Variants in PRH1 observed in about 807,000 individuals in gnomAD.
The protein encoded by PRH1 is salivary acidic proline-rich phosphoprotein 1/2.
PRH1 carries 7 observed loss-of-function variants against 7.9 expected under a neutral mutation model. The observed-to-expected ratio is 0.89, with a 90% CI of 0.50 to 1.67. PRH1 has a LOEUF of 1.67. Among genes scored for constraint, PRH1 ranks in the 40% most tolerant of loss-of-function variants. PRH1 has a pLI of 0.00. For missense variants in PRH1, 109 were observed against 223.6 expected, an observed-to-expected ratio of 0.49 and a Z score of 3.27; for synonymous variants, 45 against 80.8, an observed-to-expected ratio of 0.56 and a Z score of 2.38.
intron 1 of PRH1, among the ~76,000 whole-genome samples, chr12:11,031,993 A>C (rs1942245547): frequency 6.6e-6 from 1 of 152,236 alleles, no homozygotes; most frequent in African/African-American, 2.4e-5. Context: ...AGCCAGAAAT[A>C]ACCATGGCAT....
At chr12:11,064,469 G>A (rs1386440119) in intron 1 of PRH1, among the ~76,000 whole-genome samples, 2 of 151,846 alleles carry the variant, frequency 1.3e-5, no homozygotes, top group Non-Finnish European at 2.9e-5. Flanking sequence ...TTCTACTAGA[G>A]CATTCTTTCA....
chr12:10,990,853 A>G (rs1331968070), intron 1 of PRH1, among the ~76,000 whole-genome samples: 1 of 152,208 alleles, frequency 6.6e-6, no homozygotes, highest in East Asian at 1.9e-4. Flanking sequence ...CTTAGAGATG[A>G]GTTCTGAAAG....
intron 1 of PRH1, chr12:10,998,021 C>T: frequency 3.4e-6 from 2 of 586,938 alleles, no homozygotes; most frequent in Non-Finnish European, 5.7e-6. Flanking sequence ...TGAACAATGT[C>T]AACAGAAAAG....
At position 11,092,602 on chromosome 12, in the gene PRH1, G is replaced by A. The variant is rs1944961038; in HGVS notation, n.124-45414C>T. Among the ~76,000 whole-genome samples the A allele has an allele frequency of 2.6e-5, 3 of 114,766 alleles. 1 individual carries two copies. In the South Asian group the frequency reaches 7.1e-4, roughly 27 times the overall value. The allele number at this position is 114,766 out of a possible 152,430, so 75.3% of individuals were successfully genotyped here. A position where few individuals can be genotyped will look rare whatever the true frequency, so the allele number is the denominator to read the frequency against. On this transcript the variant is annotated intron_variant and non_coding_transcript_variant, in intron 1 of 4. Coordinates refer to the PRH1 transcript ENST00000541977. The stretch of plus-strand genomic sequence containing the variant: ...CCTGTTGATTGGTGCATTTTAGAGC[G>A]ATTGGTGCATTTTACAATCCTCTTG...
At chr12:10,896,626 G>A (rs1949648958) in intron 2 of PRH1, among the ~76,000 whole-genome samples, 1 of 151,954 alleles carries the variant, frequency 6.6e-6, no homozygotes, top group South Asian at 2.1e-4. Context: ...GCTGGGCTTG[G>A]TGGCATGCTC....
chr12:11,078,002 C>A (rs79125746), intron 1 of PRH1: 1 of 650,190 alleles, frequency 1.5e-6, no homozygotes, highest in Admixed American at 2.4e-5. Flanking sequence ...GCAACAGCTC[C>A]TACTTCTGAA....
At chr12:10,950,470 CTG>C (rs1488820538) in intron 2 of PRH1, among the ~76,000 whole-genome samples, 3 of 151,776 alleles carry the variant, frequency 2.0e-5, no homozygotes, top group Non-Finnish European at 1.5e-5. Context: ...TGAAATGTAA[CTG>C]TAGTTTAAAA....
chr12:10,993,518 G>T (rs1591781146), intron 1 of PRH1, among the ~76,000 whole-genome samples: 1 of 152,088 alleles, frequency 6.6e-6, no homozygotes, highest in Admixed American at 6.6e-5. Context: ...ATGATTTTAG[G>T]GGTCCAGTGC....
At chr12:10,908,855 T>C (rs1253703633) in intron 2 of PRH1, 1 of 1,613,438 alleles carries the variant, frequency 6.2e-7, no homozygotes, top group Non-Finnish European at 8.5e-7. Flanking sequence ...TATGCATGTT[T>C]ATTTGTATCA....
At chr12:10,909,148 A>G (rs1949856099) in intron 2 of PRH1, 3 of 1,613,894 alleles carry the variant, frequency 1.9e-6, no homozygotes, top group South Asian at 2.2e-5. Flanking sequence ...GAGATTGCCA[A>G]GATAATGAGG....
intron 1 of PRH1, among the ~76,000 whole-genome samples, chr12:11,076,445 A>ATTTGAGTTTT: frequency 8.5e-6 from 1 of 117,544 alleles, no homozygotes; most frequent in Non-Finnish European, 2.0e-5. Context: ...GATAGAGAAT[A>ATTTGAGTTTT]TTTGAGTTTT....
intron 1 of PRH1, among the ~76,000 whole-genome samples, chr12:11,040,817 C>A (rs1447353924): frequency 6.6e-6 from 1 of 152,158 alleles, no homozygotes; most frequent in Non-Finnish European, 1.5e-5. Flanking sequence ...GGTGCAGAGT[C>A]CTCATTTGTT....
intron 1 of PRH1, among the ~76,000 whole-genome samples, chr12:11,122,012 T>C (rs552892058): frequency 3.0e-4 from 45 of 152,372 alleles, no homozygotes; most frequent in African/African-American, 1.0e-3. Flanking sequence ...ATAATAAACA[T>C]ACATATATAT....
intron 1 of PRH1, among the ~76,000 whole-genome samples, chr12:11,087,851 G>A (rs1268239805): frequency 8.6e-6 from 1 of 116,028 alleles, no homozygotes; most frequent in African/African-American, 2.9e-5. Context: ...AAGCAGAGCA[G>A]AGCTTCTGGT....
chr12:11,024,363 T>C (rs1941806346), intron 1 of PRH1, among the ~76,000 whole-genome samples: 1 of 152,212 alleles, frequency 6.6e-6, no homozygotes, highest in African/African-American at 2.4e-5. Context: ...AGAGCCTAAG[T>C]TTACCTCAAT....
chr12:10,997,147 CAG>C (rs764957125), intron 1 of PRH1: 5 of 1,613,916 alleles, frequency 3.1e-6, no homozygotes, highest in Non-Finnish European at 4.2e-6. Flanking sequence ...TGATTAGACA[CAG>C]AAAGTAAATG....
At chr12:11,034,462 TC>T (rs1172809223) in intron 1 of PRH1, among the ~76,000 whole-genome samples, 3 of 69,536 alleles carry the variant, frequency 4.3e-5, no homozygotes, top group Non-Finnish European at 5.8e-5. Context: ...CACCTTTACC[TC>T]CATTCTATTT....
chr12:11,034,914 T>C (rs966410515), intron 1 of PRH1: 23 of 152,378 alleles, frequency 1.5e-4, no homozygotes, highest in African/African-American at 5.3e-4. Flanking sequence ...ATAATAATAT[T>C]AATAATAATT....
chr12:11,100,555 T>C (rs1292462060), intron 1 of PRH1, among the ~76,000 whole-genome samples: 2 of 152,222 alleles, frequency 1.3e-5, no homozygotes, highest in Admixed American at 1.3e-4. Flanking sequence ...TATTCCATGA[T>C]TTAAATTTTA....
Sources: gnomAD v4.1 joint callset for allele counts (sites outside exome capture counted in the v4.1 genomes callset) on GRCh38, gnomAD v4.1.1 for gene constraint, MANE v1.5 for transcripts, NCBI Gene and HGNC (gene_info 2026-07-23, HGNC 2026-07-21) for gene names.